DIS3L2: variants seen among roughly 807,000 people sequenced by gnomAD.
DIS3L2 encodes the protein DIS3-like exonuclease 2.
A neutral mutation model predicts 97.5 loss-of-function variants in DIS3L2; 34 were observed. The ratio of observed to expected loss-of-function variants is 0.35; its 90% CI spans 0.27 to 0.46. The LOEUF is 0.46. Ranked by LOEUF, DIS3L2 falls within the 20% of genes least tolerant of loss-of-function variation. The pLI, the probability that DIS3L2 is intolerant of heterozygous loss-of-function variation, is 1.00. For missense variants in DIS3L2, 1,038 were observed against 1,146.0 expected (o/e 0.91, Z 1.36); for synonymous variants, 435 against 445.2 (o/e 0.98, Z 0.29).
At chr2:232,163,055 G>A (rs1476177872) in intron 8 of DIS3L2, among the ~76,000 whole-genome samples, 1 of 152,132 alleles carries the variant, frequency 6.6e-6, no homozygotes, top group Non-Finnish European at 1.5e-5. Context: ...TGGTAGAGTT[G>A]TGAAATAGGA....
At chr2:232,061,937 G>A (rs1157829963) in intron 5 of DIS3L2, among the ~76,000 whole-genome samples, 1 of 152,112 alleles carries the variant, frequency 6.6e-6, no homozygotes, top group East Asian at 1.9e-4. Flanking sequence ...AGGTTAAAAC[G>A]GCAACAGCCC....
At chr2:232,249,432 T>A in intron 12 of DIS3L2, 86 bp downstream of exon 12, 1 of 1,364,510 alleles carries the variant, frequency 7.3e-7, no homozygotes, top group South Asian at 1.2e-5. Flanking sequence ...TGGCACTGGC[T>A]TGGGTGCCAT....
At chr2:232,196,455 C>A (rs1691759208) in intron 9 of DIS3L2, among the ~76,000 whole-genome samples, 1 of 152,110 alleles carries the variant, frequency 6.6e-6, no homozygotes, top group South Asian at 2.1e-4. Flanking sequence ...GATGCTTCAA[C>A]AATAGTATCT....
intron 7 of DIS3L2, among the ~76,000 whole-genome samples, chr2:232,134,457 A>G (rs995766374): frequency 1.3e-5 from 2 of 152,164 alleles, no homozygotes; most frequent in East Asian, 3.8e-4. Context: ...GAGGGTTTTT[A>G]GGGTGGGGTT....
intron 9 of DIS3L2, among the ~76,000 whole-genome samples, chr2:232,171,773 A>C (rs1186399074): frequency 2.0e-5 from 3 of 152,170 alleles, no homozygotes; most frequent in Non-Finnish European, 4.4e-5. Flanking sequence ...ATGGGCCCTA[A>C]AGTAGATACA....
At chr2:232,100,804 G>GGTGTGT (rs61079731) in intron 6 of DIS3L2, among the ~76,000 whole-genome samples, 44,568 of 147,340 alleles carry the variant, frequency 0.3, 7,242 homozygotes, top group Non-Finnish European at 0.38. Flanking sequence ...TTGAAAGAAA[G>GGTGTGT]GTGTGTGTGT....
In DIS3L2 at chr2:232,182,246, T is replaced by C. The variant is rs538348264; in HGVS notation, c.1124+18614T>C. 2.0e-5 allele frequency among the ~76,000 whole-genome samples: 3 copies of C among 152,326 alleles called. No individual in the cohort carries two copies. The East Asian group carries it at 5.8e-4, about 29-fold the overall frequency. ...TCTACATACTTGTGAATTTCTCTAA[T>C]TTCTTTATGCTATTAATTTCTAATT... On this transcript the variant is annotated intron_variant, in intron 9 of 20. Coordinates refer to ENST00000325385, the MANE Select transcript of DIS3L2 (RefSeq NM_152383.5).
At chr2:232,238,217 C>G (rs377391943) in intron 10 of DIS3L2, among the ~76,000 whole-genome samples, 1 of 152,090 alleles carries the variant, frequency 6.6e-6, no homozygotes, top group Non-Finnish European at 1.5e-5. Flanking sequence ...TTGTTCATCA[C>G]CCAGAATGAG....
chr2:232,128,652 G>A (rs527414771), intron 6 of DIS3L2, among the ~76,000 whole-genome samples: 9 of 151,610 alleles, frequency 5.9e-5, no homozygotes, highest in East Asian at 3.9e-4. Flanking sequence ...ACAGAGTTTC[G>A]CCGTGTTGCC....
chr2:232,199,281 T>A (rs1395898288), intron 9 of DIS3L2, among the ~76,000 whole-genome samples: 3 of 152,218 alleles, frequency 2.0e-5, no homozygotes, highest in African/African-American at 7.2e-5. Context: ...AAGTCATGTT[T>A]GAAGAGCTGT....
intron 8 of DIS3L2, among the ~76,000 whole-genome samples, chr2:232,146,639 T>G (rs1210512243): frequency 6.6e-6 from 1 of 152,152 alleles, no homozygotes; most frequent in Non-Finnish European, 1.5e-5. Context: ...CTGCCAACAA[T>G]GCTATTGACT....
chr2:232,223,993 G>C (rs1419360134), intron 10 of DIS3L2, among the ~76,000 whole-genome samples: 1 of 152,182 alleles, frequency 6.6e-6, no homozygotes, highest in South Asian at 2.1e-4. Context: ...GAAGCTGAGA[G>C]GTGGGAGGAT....
Position 231,979,574 on chromosome 2 carries a change from GTATT to G in DIS3L2, c.-94+17827_-94+17830del, listed in dbSNP as rs1417436894. Among the ~76,000 whole-genome samples the G allele has an allele frequency of 2.6e-5, 4 of 151,778 alleles. No homozygotes were observed. In the East Asian group the frequency reaches 7.8e-4, roughly 29 times the overall value. ...TTTATTTATTTAGGGACGGAGTCAG[GTATT>G]TATTTATTTATTTATTTTGTGACAG... On this transcript the variant is annotated intron_variant, in intron 1 of 20. Transcript: ENST00000325385.
rs1691380500 is a variant in DIS3L2 at position 232,184,465 on chromosome 2, A to G, written c.1124+20833A>G. Among the ~76,000 whole-genome samples, 3 of 152,166 alleles carry G rather than the reference A, an allele frequency of 2.0e-5. 1 individual carries two copies. The South Asian group carries it at 6.2e-4, about 32-fold the overall frequency. On this transcript the variant is annotated intron_variant, in intron 9 of 20. Coordinates refer to ENST00000325385, the MANE Select transcript of DIS3L2 (RefSeq NM_152383.5). Reference sequence around the variant, plus strand: ...CAGGAGTTCCAGACTAGCCTGGGCAACACAGCAAAACCCCATCTGTACAAA... The same window carrying G: ...CAGGAGTTCCAGACTAGCCTGGGCAGCACAGCAAAACCCCATCTGTACAAA...
At chr2:232,183,104 C>T (rs1453868157) in intron 9 of DIS3L2, among the ~76,000 whole-genome samples, 3 of 152,162 alleles carry the variant, frequency 2.0e-5, no homozygotes, top group Admixed American at 6.5e-5. Context: ...AACCTCACCC[C>T]TTTCACCATG....
At chr2:232,244,574 T>G (rs1693195320) in intron 11 of DIS3L2, among the ~76,000 whole-genome samples, 1 of 152,192 alleles carries the variant, frequency 6.6e-6, no homozygotes, top group Non-Finnish European at 1.5e-5. Context: ...GGCCAGACCT[T>G]GGACAGGGAA....
intron 6 of DIS3L2, among the ~76,000 whole-genome samples, chr2:232,125,189 G>A (rs369656539): frequency 2.0e-5 from 3 of 152,214 alleles, no homozygotes; most frequent in African/African-American, 7.2e-5. Flanking sequence ...GTCAAACTGC[G>A]GGGCTCCCAT....
At chr2:231,998,186 C>T (rs1384504329) in intron 1 of DIS3L2, among the ~76,000 whole-genome samples, 2 of 152,122 alleles carry the variant, frequency 1.3e-5, no homozygotes, top group East Asian at 1.9e-4. Context: ...TTATTTCTCA[C>T]AGTTCTGGAG....
At position 232,334,438 on chromosome 2, in the gene DIS3L2, G is replaced by A. The variant is rs947355512; in HGVS notation, c.2228G>A (p.Arg743His). 6.8e-6 allele frequency: 11 copies of A among 1,613,730 alleles called. No homozygotes were observed. The highest frequency in any genetic ancestry group is 2.7e-5 in the African/African-American group (2 of 74,934). The change falls in exon 18 of 21, where the codon CGC (arginine) becomes CAC (histidine). Residue 743 changes from arginine to histidine, a missense_variant. Arg to His is a conservative substitution (Grantham distance 29). Transcript: ENST00000325385. Reference sequence around the variant, plus strand: ...CAGGCGGACCACTGTAACGACCGCCGCATGGCGTCCAAGCGCGTGCAGGAG... The same window carrying A: ...CAGGCGGACCACTGTAACGACCGCCACATGGCGTCCAAGCGCGTGCAGGAG... Reference protein sequence around the residue: ...QKQADHCNDRRMASKRVQELS... With the variant: ...QKQADHCNDRHMASKRVQELS...
Sources: allele counts gnomAD v4.1 joint callset (sites outside exome capture counted in the v4.1 genomes callset), GRCh38; gene constraint gnomAD v4.1.1; transcripts MANE v1.5; gene names NCBI Gene and HGNC (gene_info 2026-07-23, HGNC 2026-07-21).